The following PNOC variants were observed in gnomAD, a reference collection of about 807,000 sequenced individuals.
PNOC encodes the protein prepronociceptin.
A neutral mutation model predicts 15.6 loss-of-function variants in PNOC; 10 were observed. That is an observed-to-expected ratio of 0.64 (90% CI 0.40 to 1.09). The LOEUF (loss-of-function observed/expected upper bound fraction) is 1.09, where lower values mean the gene tolerates loss of function less well. PNOC is among the 50% of genes least tolerant of loss of function. The pLI is 0.01. For synonymous variants in PNOC, 98 were observed against 88.5 expected, an observed-to-expected ratio of 1.11 and a Z score of -0.60; for missense variants, 220 against 223.9, an observed-to-expected ratio of 0.98 and a Z score of 0.11.
intron 1 of PNOC, among the ~76,000 whole-genome samples, chr8:28,318,300 C>T (rs1034436253): frequency 3.0e-4 from 46 of 152,280 alleles, no homozygotes; most frequent in African/African-American, 1.1e-3. Flanking sequence ...CTATTTAAAG[C>T]AAGCTGCTTT....
intron 2 of PNOC, among the ~76,000 whole-genome samples, chr8:28,338,335 G>A (rs1040353072): frequency 1.3e-5 from 2 of 152,210 alleles, no homozygotes; most frequent in Non-Finnish European, 2.9e-5. Context: ...GGCAGGAGAG[G>A]CAGAGCAGAG....
At chr8:28,335,923 A>T (rs1469854862) in intron 2 of PNOC, among the ~76,000 whole-genome samples, 1 of 152,082 alleles carries the variant, frequency 6.6e-6, no homozygotes, top group Non-Finnish European at 1.5e-5. Flanking sequence ...CCAAAGGAAA[A>T]AAAAAAAAGA....
intron 2 of PNOC, among the ~76,000 whole-genome samples, chr8:28,330,404 T>TATTTTATTTTA (rs1563328724): frequency 3.0e-5 from 4 of 133,286 alleles, no homozygotes; most frequent in African/African-American, 1.1e-4. Flanking sequence ...TTATTTTTTT[T>TATTTTATTTTA]TTTTTTTTGA....
At chr8:28,320,437 A>G (rs373166532) in intron 1 of PNOC, among the ~76,000 whole-genome samples, 10 of 152,184 alleles carry the variant, frequency 6.6e-5, no homozygotes, top group Middle Eastern at 3.4e-3. Context: ...GCTTCAGGAG[A>G]CTGAGACTTT....
chr8:28,333,284 A>T (rs351774), intron 2 of PNOC, among the ~76,000 whole-genome samples: 133,945 of 152,182 alleles, frequency 0.88, 59,393 homozygotes, highest in Non-Finnish European at 0.94. Context: ...GACACCCAAA[A>T]GGCCATTTGT....
At chr8:28,338,421 A>G (rs903697457) in intron 2 of PNOC, among the ~76,000 whole-genome samples, 4 of 152,092 alleles carry the variant, frequency 2.6e-5, no homozygotes, top group African/African-American at 9.7e-5. Context: ...GAACTGGATC[A>G]CAGGTTCAGC....
At position 28,329,304 on chromosome 8, in the gene PNOC, A is replaced by G. The variant is rs28415085; in HGVS notation, c.126+21A>G. On this transcript the variant is annotated intron_variant, in intron 2 of 3. Transcript: ENST00000301908. ...TGGAGGTAGGTCTCCAAGGCAAGGC[A>G]GAGAGGCTGTCCTCCTCCCTGACTA... The G allele has an allele frequency of 9.2e-4, 1,484 of 1,611,160 alleles. 12 individuals are homozygous for G. The African/African-American group carries it at 0.016, about 18-fold the overall frequency.
chr8:28,338,682 T>C, intron 2 of PNOC: 2 of 1,020,350 alleles, frequency 2.0e-6, no homozygotes, highest in Non-Finnish European at 2.3e-6. Context: ...GTGACAGTCA[T>C]GAGCTGTGCT....
intron 2 of PNOC, among the ~76,000 whole-genome samples, chr8:28,332,619 C>A (rs1801345482): frequency 6.6e-6 from 1 of 152,122 alleles, no homozygotes; most frequent in Non-Finnish European, 1.5e-5. Flanking sequence ...ATAAGGCAAC[C>A]AATCCCAAGA....
At chr8:28,318,855 T>TA (rs1801102783) in intron 1 of PNOC, among the ~76,000 whole-genome samples, 1 of 152,222 alleles carries the variant, frequency 6.6e-6, no homozygotes, top group Non-Finnish European at 1.5e-5. Context: ...TGAGAGTACT[T>TA]ACGGATTTGT....
chr8:28,327,089 C>T (rs994795318), intron 1 of PNOC, among the ~76,000 whole-genome samples: 2 of 152,214 alleles, frequency 1.3e-5, no homozygotes, highest in East Asian at 3.8e-4. Context: ...GTGAAATGCA[C>T]AGAATGTAAA....
intron 2 of PNOC, among the ~76,000 whole-genome samples, chr8:28,330,672 AT>A (rs35543184): frequency 0.33 from 48,644 of 148,116 alleles, 9,724 homozygotes; most frequent in Non-Finnish European, 0.46. Flanking sequence ...AAGTGCTGGG[AT>A]TTACAGGCGT....
upstream of PNOC, chr8:28,317,183 G>A (rs370422792): frequency 1.2e-4 from 18 of 153,156 alleles, no homozygotes; most frequent in African/African-American, 4.3e-4. Flanking sequence ...GGGTCAGTGT[G>A]TGTATGTGTC....
At chr8:28,324,499 G>A (rs1428543178) in intron 1 of PNOC, among the ~76,000 whole-genome samples, 1 of 152,208 alleles carries the variant, frequency 6.6e-6, no homozygotes, top group Non-Finnish European at 1.5e-5. Context: ...CCATGTGGCT[G>A]TAGAGGGCAC....
At chr8:28,341,009 C>G (rs940970749) in intron 3 of PNOC, among the ~76,000 whole-genome samples, 1 of 152,232 alleles carries the variant, frequency 6.6e-6, no homozygotes, top group African/African-American at 2.4e-5. Flanking sequence ...CCAGTCAGAT[C>G]ATCAAAATCA....
intron 1 of PNOC, 105 bp from the exon 2 acceptor site, chr8:28,329,030 G>C: frequency 8.7e-7 from 1 of 1,148,072 alleles, no homozygotes; most frequent in Non-Finnish European, 1.3e-6. Flanking sequence ...TCCTGCCAGA[G>C]ACAGCAGAGA....
chr8:28,334,733 C>T (rs1032817308), intron 2 of PNOC, among the ~76,000 whole-genome samples: 1 of 152,134 alleles, frequency 6.6e-6, no homozygotes, highest in African/African-American at 2.4e-5. Flanking sequence ...GGCTCAAAGG[C>T]GCCTCCCTCC....
intron 2 of PNOC, among the ~76,000 whole-genome samples, chr8:28,330,136 G>A (rs1381631551): frequency 1.3e-5 from 2 of 151,482 alleles, no homozygotes; most frequent in East Asian, 3.9e-4. Context: ...TAGTAGAGAC[G>A]GGTTTCACCA....
At chr8:28,318,179 G>A (rs1009771434) in intron 1 of PNOC, among the ~76,000 whole-genome samples, 1 of 151,866 alleles carries the variant, frequency 6.6e-6, no homozygotes, top group Non-Finnish European at 1.5e-5. Context: ...TCTCTCCCTC[G>A]AGTCTTGCTT....
Sources: allele counts gnomAD v4.1 joint callset (sites outside exome capture counted in the v4.1 genomes callset), GRCh38; gene constraint gnomAD v4.1.1; transcripts MANE v1.5; gene names NCBI Gene and HGNC (gene_info 2026-07-23, HGNC 2026-07-21).